Variants in STXBP5L observed in about 807,000 individuals in gnomAD.
The protein encoded by STXBP5L is syntaxin binding protein 5L, also known as syntaxin-binding protein 5-like.
A neutral mutation model predicts 144.5 loss-of-function variants in STXBP5L; 65 were observed. That is an observed-to-expected ratio of 0.45 (90% CI 0.37 to 0.55). The LOEUF (loss-of-function observed/expected upper bound fraction) is 0.55, where lower values mean the gene tolerates loss of function less well. STXBP5L is among the 20% of genes least tolerant of loss of function. The probability of loss-of-function intolerance (pLI) is 0.00; values close to 1 mark genes in which losing one functional copy is unlikely to be tolerated. For synonymous variants in STXBP5L, 505 were observed against 469.6 expected, an observed-to-expected ratio of 1.08 and a Z score of -0.97; for missense variants, 1,298 against 1,405.5, an observed-to-expected ratio of 0.92 and a Z score of 1.22.
chr3:121,120,713 A>T (rs1276062044), intron 6 of STXBP5L, among the ~76,000 whole-genome samples: 1 of 151,224 alleles, frequency 6.6e-6, no homozygotes, highest in Non-Finnish European at 1.5e-5. Context: ...TCTGATTCCA[A>T]ATAGTTTCTA....
intron 20 of STXBP5L, among the ~76,000 whole-genome samples, chr3:121,355,734 C>A (rs1253779555): frequency 2.0e-5 from 3 of 152,092 alleles, no homozygotes; most frequent in Admixed American, 2.0e-4. Flanking sequence ...CTGTTACTGG[C>A]GAGGAGCTGC....
At chr3:121,179,885 CAAAG>C (rs2047076531) in intron 9 of STXBP5L, among the ~76,000 whole-genome samples, 1 of 151,744 alleles carries the variant, frequency 6.6e-6, no homozygotes, top group African/African-American at 2.4e-5. Flanking sequence ...CAGACAAAAA[CAAAG>C]AAAAAAGAAT....
intron 7 of STXBP5L, among the ~76,000 whole-genome samples, chr3:121,131,502 G>A (rs539779978): frequency 6.6e-6 from 1 of 152,194 alleles, no homozygotes; most frequent in East Asian, 1.9e-4. Flanking sequence ...ATGGCCAGTG[G>A]GACAAATATG....
intron 5 of STXBP5L, among the ~76,000 whole-genome samples, chr3:121,092,325 G>C (rs139392288): frequency 2.0e-4 from 31 of 151,962 alleles, no homozygotes; most frequent in Admixed American, 1.8e-3. Flanking sequence ...TTGGTAGCTT[G>C]ATGGGGATGG....
intron 10 of STXBP5L, among the ~76,000 whole-genome samples, chr3:121,220,547 T>G (rs1402030813): frequency 2.6e-5 from 4 of 152,104 alleles, no homozygotes; most frequent in African/African-American, 9.6e-5. Context: ...ATGTGAGAAA[T>G]TTTGAATTCT....
chr3:120,994,005 T>A (rs1943139712), intron 3 of STXBP5L, among the ~76,000 whole-genome samples: 1 of 152,064 alleles, frequency 6.6e-6, no homozygotes, highest in East Asian at 1.9e-4. Flanking sequence ...CTTGGAGAGG[T>A]CTTTCAACTC....
chr3:121,367,595 GTTTTTTT>G (rs57288480), intron 20 of STXBP5L, among the ~76,000 whole-genome samples: 10 of 51,358 alleles, frequency 1.9e-4, no homozygotes, highest in South Asian at 9.1e-4. Context: ...TTCGACTCTT[GTTTTTTT>G]TTTTTTTTTT....
intron 3 of STXBP5L, among the ~76,000 whole-genome samples, chr3:120,986,666 C>G (rs971840559): frequency 6.6e-6 from 1 of 151,672 alleles, no homozygotes; most frequent in East Asian, 1.9e-4. Context: ...CACACCTGTT[C>G]TGATAACATG....
At chr3:120,979,578 C>T (rs970641738) in intron 3 of STXBP5L, among the ~76,000 whole-genome samples, 4 of 152,174 alleles carry the variant, frequency 2.6e-5, no homozygotes, top group Non-Finnish European at 5.9e-5. Context: ...CTGTCTGGCA[C>T]TCCCTAGTGA....
At chr3:121,075,089 G>C (rs1406142560) in intron 5 of STXBP5L, among the ~76,000 whole-genome samples, 1 of 152,092 alleles carries the variant, frequency 6.6e-6, no homozygotes, top group Non-Finnish European at 1.5e-5. Flanking sequence ...GTCTGTCTCA[G>C]TCCTCATAAT....
intron 3 of STXBP5L, among the ~76,000 whole-genome samples, chr3:120,961,053 G>T (rs1292410975): frequency 2.0e-5 from 3 of 151,996 alleles, no homozygotes; most frequent in African/African-American, 4.8e-5. Context: ...AATCTTGGTA[G>T]GTTGTATATG....
chr3:120,990,642 A>C (rs2107956931), intron 3 of STXBP5L, among the ~76,000 whole-genome samples: 1 of 152,300 alleles, frequency 6.6e-6, no homozygotes, highest in African/African-American at 2.4e-5. Flanking sequence ...ATATAGACCA[A>C]TGGAACAGAA....
chr3:121,292,367 C>T lies in STXBP5L; in HGVS notation c.2110+12411C>T, dbSNP rs575511987. Reference sequence around the variant, plus strand: ...ACCATCTTTCTCCTGCAAGAATGGCCGTAATTTAAAAATCAAAAATAATAC... The same window carrying T: ...ACCATCTTTCTCCTGCAAGAATGGCTGTAATTTAAAAATCAAAAATAATAC... On this transcript the variant is annotated intron_variant, in intron 19 of 26. Transcript: ENST00000471454. 5.9e-5 allele frequency among the ~76,000 whole-genome samples: 9 copies of T among 152,042 alleles called. No individual in the cohort carries two copies. In the East Asian group the frequency reaches 9.7e-4, roughly 16 times the overall value.
chr3:121,245,498 C>A (rs990867197), intron 14 of STXBP5L, among the ~76,000 whole-genome samples: 1 of 151,928 alleles, frequency 6.6e-6, no homozygotes, highest in African/African-American at 2.4e-5. Flanking sequence ...ACTCCCTAAT[C>A]AAAAGACATA....
intron 3 of STXBP5L, among the ~76,000 whole-genome samples, chr3:120,976,424 T>G (rs1448828104): frequency 6.6e-6 from 1 of 152,284 alleles, no homozygotes; most frequent in East Asian, 1.9e-4. Context: ...GTCTATTTGA[T>G]TCTTCTCTCT....
chr3:121,277,641 GT>G (rs2050925703), intron 18 of STXBP5L, among the ~76,000 whole-genome samples: 1 of 150,912 alleles, frequency 6.6e-6, no homozygotes, highest in South Asian at 2.1e-4. Flanking sequence ...TTTTCCTCTG[GT>G]TATCATATTT....
At chr3:120,995,826 C>T (rs1446452731) in intron 3 of STXBP5L, among the ~76,000 whole-genome samples, 1 of 152,082 alleles carries the variant, frequency 6.6e-6, no homozygotes, top group Non-Finnish European at 1.5e-5. Flanking sequence ...TTATATTGAA[C>T]CACATTTTCC....
At chr3:121,129,715 A>G (rs1359517318) in intron 7 of STXBP5L, among the ~76,000 whole-genome samples, 2 of 152,034 alleles carry the variant, frequency 1.3e-5, no homozygotes, top group East Asian at 3.9e-4. Flanking sequence ...ATTCTCAGTA[A>G]TCTTGATTGT....
chr3:121,398,206 C>T (rs2046780884), intron 22 of STXBP5L, among the ~76,000 whole-genome samples: 3 of 152,212 alleles, frequency 2.0e-5, no homozygotes, highest in African/African-American at 7.2e-5. Flanking sequence ...TCAGTGACTC[C>T]TGTATGTATT....
Sources: allele counts gnomAD v4.1 joint callset (sites outside exome capture counted in the v4.1 genomes callset), GRCh38; gene constraint gnomAD v4.1.1; transcripts MANE v1.5; gene names NCBI Gene and HGNC (gene_info 2026-07-23, HGNC 2026-07-21).